MB21D2: variants seen among roughly 807,000 people sequenced by gnomAD.
MB21D2 encodes the protein Mab-21 domain containing 2.
A neutral mutation model predicts 33.3 loss-of-function variants in MB21D2; 9 were observed. The ratio of observed to expected loss-of-function variants is 0.27; its 90% CI spans 0.16 to 0.47. The LOEUF is 0.47. Among genes scored for constraint, MB21D2 ranks in the 20% least tolerant of loss-of-function variants. The pLI, the probability that MB21D2 is intolerant of heterozygous loss-of-function variation, is 0.99. For synonymous variants in MB21D2, 241 were observed against 236.3 expected (o/e 1.02, Z -0.18); for missense variants, 540 against 624.6 (o/e 0.86, Z 1.44).
chr3:192,836,552 C>T (rs1275602398), intron 1 of MB21D2, among the ~76,000 whole-genome samples: 1 of 152,198 alleles, frequency 6.6e-6, no homozygotes, highest in Non-Finnish European at 1.5e-5. Context: ...CACAAGGGTG[C>T]ACAAACACAG....
intron 1 of MB21D2, among the ~76,000 whole-genome samples, chr3:192,889,816 G>A (rs1224124361): frequency 2.0e-5 from 3 of 152,040 alleles, no homozygotes; most frequent in African/African-American, 7.3e-5. Flanking sequence ...TCACTGCTGG[G>A]ACTGAACTCA....
chr3:192,859,414 C>A (rs775817905), intron 1 of MB21D2, among the ~76,000 whole-genome samples: 1 of 152,022 alleles, frequency 6.6e-6, no homozygotes, highest in Non-Finnish European at 1.5e-5. Context: ...AGATGAGGAG[C>A]GGGGGAAGAA....
chr3:192,905,184 T>G (rs1240937533), intron 1 of MB21D2, among the ~76,000 whole-genome samples: 1 of 152,208 alleles, frequency 6.6e-6, no homozygotes, highest in African/African-American at 2.4e-5. Context: ...CAGGCAGACT[T>G]ACAGTCTGCC....
chr3:192,896,033 A>C (rs1321105142), intron 1 of MB21D2, among the ~76,000 whole-genome samples: 2 of 152,230 alleles, frequency 1.3e-5, no homozygotes, highest in Non-Finnish European at 2.9e-5. Context: ...ATTTTCCACA[A>C]AAACGTGGAA....
intron 1 of MB21D2, among the ~76,000 whole-genome samples, chr3:192,871,884 A>C (rs938543227): frequency 6.6e-6 from 1 of 152,194 alleles, no homozygotes; most frequent in Non-Finnish European, 1.5e-5. Context: ...CGGGTGGTTC[A>C]AAAGGCCCTG....
chr3:192,873,643 G>A (rs1438829858), intron 1 of MB21D2, among the ~76,000 whole-genome samples: 1 of 152,184 alleles, frequency 6.6e-6, no homozygotes, highest in Non-Finnish European at 1.5e-5. Flanking sequence ...TTTGACCGCT[G>A]TCCTCGTCTG....
At chr3:192,800,222 CTT>C (rs1711524538) in intron 1 of MB21D2, among the ~76,000 whole-genome samples, 3 of 152,112 alleles carry the variant, frequency 2.0e-5, no homozygotes, top group African/African-American at 7.2e-5. Flanking sequence ...TCATAACTCT[CTT>C]TATAATAATA....
chr3:192,832,601 C>T (rs1712340811), intron 1 of MB21D2, among the ~76,000 whole-genome samples: 1 of 152,176 alleles, frequency 6.6e-6, no homozygotes, highest in Non-Finnish European at 1.5e-5. Flanking sequence ...ACCAGCCTGG[C>T]CAACATGGTG....
chr3:192,888,372 G>T (rs930822155), intron 1 of MB21D2, among the ~76,000 whole-genome samples: 2 of 152,066 alleles, frequency 1.3e-5, no homozygotes, highest in Non-Finnish European at 2.9e-5. Context: ...AAGGTTAAAC[G>T]CAGTATATCT....
At chr3:192,875,158 G>A (rs753413741) in intron 1 of MB21D2, among the ~76,000 whole-genome samples, 2 of 152,200 alleles carry the variant, frequency 1.3e-5, no homozygotes, top group Non-Finnish European at 2.9e-5. Flanking sequence ...GCTACACCAT[G>A]TTTGCTGCCT....
chr3:192,840,866 G>A (rs1712555314), intron 1 of MB21D2, among the ~76,000 whole-genome samples: 1 of 152,152 alleles, frequency 6.6e-6, no homozygotes, highest in Non-Finnish European at 1.5e-5. Context: ...TGCAATCATT[G>A]GGAGCTTCCA....
At chr3:192,877,911 A>C (rs1168985048) in intron 1 of MB21D2, among the ~76,000 whole-genome samples, 3 of 151,928 alleles carry the variant, frequency 2.0e-5, no homozygotes, top group Non-Finnish European at 2.9e-5. Context: ...AGATACAAGT[A>C]GTTAAAGATT....
intron 1 of MB21D2, among the ~76,000 whole-genome samples, chr3:192,880,512 A>G (rs1713536906): frequency 6.6e-6 from 1 of 152,040 alleles, no homozygotes; most frequent in African/African-American, 2.4e-5. Context: ...CAAAGCCTCA[A>G]CGGGGTGTCT....
At chr3:192,809,058 G>A (rs1379834019) in intron 1 of MB21D2, among the ~76,000 whole-genome samples, 2 of 152,142 alleles carry the variant, frequency 1.3e-5, no homozygotes, top group Admixed American at 1.3e-4. Flanking sequence ...GTGTCATCTC[G>A]TTCAATCTTC....
intron 1 of MB21D2, among the ~76,000 whole-genome samples, chr3:192,898,017 G>C (rs1328231522): frequency 6.6e-6 from 1 of 152,008 alleles, no homozygotes; most frequent in Non-Finnish European, 1.5e-5. Context: ...TCCTGACTGA[G>C]AGACCACATG....
At position 192,917,730 on chromosome 3, in the gene MB21D2, G is replaced by A. The variant is rs1183513397; in HGVS notation, c.111C>T (p.Asn37=). The A allele has an allele frequency of 1.2e-6, 2 of 1,614,024 alleles. No individual in the cohort carries two copies. The highest frequency in any genetic ancestry group is 2.2e-5 in the East Asian group (1 of 44,888). Residue 37 remains asparagine (N), a synonymous_variant, in exon 1 of 2, where the codon AAC becomes AAT. Coordinates refer to ENST00000392452, the MANE Select transcript of MB21D2 (RefSeq NM_178496.4). ...GCTTCGTAAATTCTTGGATGAGTTTGTTCAATTCCTCCACCCGAGCTCCCG... is the reference window on the plus strand; with the variant it reads ...GCTTCGTAAATTCTTGGATGAGTTTATTCAATTCCTCCACCCGAGCTCCCG... ...FRSGARVEEL[N]KLIQEFTKHD...
At chr3:192,810,489 G>A (rs541719043) in intron 1 of MB21D2, among the ~76,000 whole-genome samples, 2 of 151,980 alleles carry the variant, frequency 1.3e-5, no homozygotes, top group East Asian at 1.9e-4. Flanking sequence ...CTCCTCTAAA[G>A]GACTTACAAA....
rs1712772299 is a variant in MB21D2, at chr3:192,850,356, T to C, written c.212-50706A>G. 2.6e-5 allele frequency among the ~76,000 whole-genome samples: 4 copies of C among 151,992 alleles called. No individual in the cohort carries two copies. The South Asian group carries it at 8.3e-4, about 32-fold the overall frequency. On this transcript the variant is annotated intron_variant, in intron 1 of 1. Transcript: ENST00000392452. ...ATCTAGACAGCAAGCTCCAGCAGAG[T>C]AACAGAGATGTGGACAGACTGTATA...
chr3:192,822,604 G>A (rs1285312882), intron 1 of MB21D2, among the ~76,000 whole-genome samples: 3 of 152,212 alleles, frequency 2.0e-5, no homozygotes, highest in African/African-American at 4.8e-5. Context: ...ACCTATTCCC[G>A]ATGAGCCAGT....
Sources: gnomAD v4.1 joint callset for allele counts (sites outside exome capture counted in the v4.1 genomes callset) on GRCh38, gnomAD v4.1.1 for gene constraint, MANE v1.5 for transcripts, NCBI Gene and HGNC (gene_info 2026-07-23, HGNC 2026-07-21) for gene names.